GAB1: variants seen among roughly 807,000 people sequenced by gnomAD.
The protein encoded by GAB1 is GRB2 associated binding protein 1, also known as GRB2-associated-binding protein 1.
A neutral mutation model predicts 66.5 loss-of-function variants in GAB1; 19 were observed. The ratio of observed to expected loss-of-function variants is 0.29; its 90% confidence interval spans 0.20 to 0.42. GAB1 has a LOEUF of 0.42. Ranked by LOEUF, GAB1 falls within the 10% of genes least tolerant of loss-of-function variation. The pLI is 1.00. For missense variants in GAB1, 732 were observed against 858.5 expected (o/e 0.85, Z 1.84); for synonymous variants, 294 against 301.4 (o/e 0.98, Z 0.25).
intron 1 of GAB1, among the ~76,000 whole-genome samples, chr4:143,409,393 C>CCCG (rs1732243956): frequency 6.7e-6 from 1 of 149,734 alleles, no homozygotes; most frequent in African/African-American, 2.5e-5. Flanking sequence ...CTTTCCCCCC[C>CCCG]CCCGCTCTGA....
chr4:143,450,256 A>G (rs1191497036), intron 6 of GAB1, among the ~76,000 whole-genome samples: 2 of 152,126 alleles, frequency 1.3e-5, no homozygotes, highest in African/African-American at 4.8e-5. Context: ...TTCTGCCTTC[A>G]TTACTTTCTG....
At chr4:143,401,590 A>T (rs573729179) in intron 1 of GAB1, among the ~76,000 whole-genome samples, 1 of 152,328 alleles carries the variant, frequency 6.6e-6, no homozygotes, top group South Asian at 2.1e-4. Context: ...GAAGCATTTC[A>T]GTTAGGACTT....
intron 1 of GAB1, among the ~76,000 whole-genome samples, chr4:143,344,208 C>T (rs1348472536): frequency 2.0e-5 from 3 of 152,132 alleles, no homozygotes; most frequent in Admixed American, 6.5e-5. Flanking sequence ...CTTGGGCTAG[C>T]GTCTTATTTC....
chr4:143,347,765 G>A (rs1484719886), intron 1 of GAB1, among the ~76,000 whole-genome samples: 2 of 152,230 alleles, frequency 1.3e-5, no homozygotes, highest in African/African-American at 2.4e-5. Flanking sequence ...CAGGTACTCT[G>A]TGAAGGCTTA....
chr4:143,337,395 T>A, intron 1 of GAB1, 135 bp downstream of exon 1: 1 of 740,844 alleles, frequency 1.3e-6, no homozygotes, highest in Non-Finnish European at 2.3e-6. Flanking sequence ...CCTTGGCCCC[T>A]ACCCCTGGCG....
intron 6 of GAB1, among the ~76,000 whole-genome samples, chr4:143,444,519 G>A (rs1161137948): frequency 1.3e-5 from 2 of 152,000 alleles, no homozygotes; most frequent in African/African-American, 4.8e-5. Context: ...GCACAGTGAT[G>A]GATTTGCTCT....
At chr4:143,383,318 A>G (rs1335417840) in intron 1 of GAB1, among the ~76,000 whole-genome samples, 1 of 152,236 alleles carries the variant, frequency 6.6e-6, no homozygotes, top group Non-Finnish European at 1.5e-5. Flanking sequence ...AGATTTCTAT[A>G]TATGATTTGG....
At chr4:143,439,986 G>A (rs1028691595) in intron 5 of GAB1, 93 bp from the exon 6 acceptor site, 22 of 1,404,760 alleles carry the variant, frequency 1.6e-5, no homozygotes, top group Non-Finnish European at 1.6e-5. Context: ...ATAAAAGTAC[G>A]CTGAGATCCA....
chr4:143,426,666 CTTGT>C (rs1259431824), intron 2 of GAB1, among the ~76,000 whole-genome samples: 1 of 152,188 alleles, frequency 6.6e-6, no homozygotes, highest in Non-Finnish European at 1.5e-5. Context: ...CTGATCCTTT[CTTGT>C]TTGTTATTGG....
rs565953230 is a variant in GAB1, at chr4:143,374,429, C to T, written c.72+37169C>T. 5.3e-5 allele frequency among the ~76,000 whole-genome samples: 8 copies of T among 152,282 alleles called. No individual in the cohort carries two copies. In the South Asian group the frequency reaches 1.7e-3, roughly 32 times the overall value. On this transcript the variant is annotated intron_variant, in intron 1 of 9. Transcript: ENST00000262994. The stretch of plus-strand genomic sequence containing the variant: ...ATGTGCTGCAGAGAAAAGGCTAAAT[C>T]CCATCTGGTGCACACTATTGTGGGA...
chr4:143,425,333 A>T, intron 2 of GAB1: 1 of 775,364 alleles, frequency 1.3e-6, no homozygotes, highest in Non-Finnish European at 2.3e-6. Context: ...CTGCCACTGG[A>T]GCCAATCCAA....
chr4:143,417,975 G>A (rs932336457), intron 2 of GAB1, among the ~76,000 whole-genome samples: 3 of 152,192 alleles, frequency 2.0e-5, no homozygotes, highest in South Asian at 2.1e-4. Context: ...ACCAAGATTC[G>A]GATTGAAGTG....
At chr4:143,368,899 C>G (rs556891562) in intron 1 of GAB1, among the ~76,000 whole-genome samples, 1 of 152,262 alleles carries the variant, frequency 6.6e-6, no homozygotes, top group East Asian at 1.9e-4. Context: ...ATTCTCCTGC[C>G]TTAGCCTCCC....
chr4:143,349,592 C>T (rs918840751), intron 1 of GAB1: 23 of 1,494,270 alleles, frequency 1.5e-5, no homozygotes, highest in Middle Eastern at 2.3e-4. Flanking sequence ...AGCACAGAGC[C>T]GCAGCGGCCT....
At chr4:143,339,608 A>C (rs1728763115) in intron 1 of GAB1, among the ~76,000 whole-genome samples, 1 of 152,248 alleles carries the variant, frequency 6.6e-6, no homozygotes, top group Non-Finnish European at 1.5e-5. Flanking sequence ...ACTATGGATC[A>C]GGTGCACAGT....
At chr4:143,418,125 C>A (rs749781748) in intron 2 of GAB1, among the ~76,000 whole-genome samples, 1 of 152,182 alleles carries the variant, frequency 6.6e-6, no homozygotes, top group Non-Finnish European at 1.5e-5. Flanking sequence ...CGTTCAGAAT[C>A]TCACGGGAAC....
chr4:143,440,632 C>T (rs909405087), intron 6 of GAB1, among the ~76,000 whole-genome samples: 7 of 152,120 alleles, frequency 4.6e-5, no homozygotes, highest in Admixed American at 2.0e-4. Context: ...GAAATACTCA[C>T]GGGGTGAGCG....
rs1732041107 is a variant in GAB1, at chr4:143,406,356, CT to C, written c.73-9118del. Among the ~76,000 whole-genome samples the C allele has an allele frequency of 2.6e-5, 4 of 152,090 alleles. No homozygotes were observed. In the South Asian group the frequency reaches 8.3e-4, roughly 32 times the overall value. ...GGAGCTCATGGCAGTGCTCATGGTT[CT>C]TTATTGCATTTTTTGCTGTATTCAG... On this transcript the variant is annotated intron_variant, in intron 1 of 9. Transcript: ENST00000262994.
chr4:143,415,354 AAC>A (rs1293804569), intron 1 of GAB1, 121 bp from the exon 2 acceptor site: 3 of 764,852 alleles, frequency 3.9e-6, no homozygotes, highest in East Asian at 2.7e-5. Flanking sequence ...CACACACACA[AAC>A]ACACACATAT....
Sources: gnomAD v4.1 joint callset for allele counts (sites outside exome capture counted in the v4.1 genomes callset) on GRCh38, gnomAD v4.1.1 for gene constraint, MANE v1.5 for transcripts, NCBI Gene and HGNC (gene_info 2026-07-23, HGNC 2026-07-21) for gene names.